The following ANKRD18B variants were observed in gnomAD, a reference collection of about 807,000 sequenced individuals.
ANKRD18B encodes ankyrin repeat domain-containing protein 18B.
ANKRD18B carries 75 observed loss-of-function variants against 111.8 expected under a neutral mutation model. That is an observed-to-expected ratio of 0.67 (90% CI 0.56 to 0.81). ANKRD18B has a LOEUF of 0.81. Among genes scored for constraint, ANKRD18B ranks in the 40% least tolerant of loss-of-function variants. The pLI, the probability that ANKRD18B is intolerant of heterozygous loss-of-function variation, is 0.00. For missense variants in ANKRD18B, 1,038 were observed against 1,225.5 expected (o/e 0.85, Z 2.28); for synonymous variants, 356 against 417.3 (o/e 0.85, Z 1.79).
At chr9:33,534,825 CTTTT>C (rs374951470) in intron 5 of ANKRD18B, among the ~76,000 whole-genome samples, 5 of 123,272 alleles carry the variant, frequency 4.1e-5, no homozygotes, top group African/African-American at 6.0e-5. Flanking sequence ...TTCTTTCTTC[CTTTT>C]TTTTTTTTTT....
chr9:33,560,903 T>C (rs1828596433), intron 14 of ANKRD18B, among the ~76,000 whole-genome samples: 1 of 152,192 alleles, frequency 6.6e-6, no homozygotes, highest in Non-Finnish European at 1.5e-5. Flanking sequence ...AGGCAGAGGT[T>C]GCAGTGAGCT....
chr9:33,562,682 A>C (rs1828624068), intron 14 of ANKRD18B, among the ~76,000 whole-genome samples: 1 of 152,212 alleles, frequency 6.6e-6, no homozygotes, highest in African/African-American at 2.4e-5. Flanking sequence ...GATGGTCTTA[A>C]CTTCTCCATG....
Position 33,534,396 on chromosome 9 carries a change from A to G in ANKRD18B, c.629A>G (p.His210Arg), listed in dbSNP as rs1474062292. Residue 210 changes from histidine to arginine, a missense_variant, in exon 5 of 19, where the codon CAT becomes CGT. Transcript: ENST00000684830. ...ACAGCCCTCATACTTGCAGTACAGCATAACTTGTCAAGTATCGTCACCCTC... is the reference window on the plus strand; with the variant it reads ...ACAGCCCTCATACTTGCAGTACAGCGTAACTTGTCAAGTATCGTCACCCTC... ...KRTALILAVQ[H>R]NLSSIVTLLL... 1.0e-5 allele frequency: 16 copies of G among 1,549,492 alleles called. No homozygotes were observed. Among genetic ancestry groups the G allele is most frequent in the East Asian group, 2.4e-5 (1 of 40,882 alleles).
intron 14 of ANKRD18B, among the ~76,000 whole-genome samples, chr9:33,559,552 A>G (rs138119516): frequency 0.019 from 2,909 of 152,284 alleles, 58 homozygotes; most frequent in Non-Finnish European, 0.026. Flanking sequence ...TTGGGGCAAA[A>G]GAATACAAGG....
intron 18 of ANKRD18B, 129 bp from the exon 19 acceptor site, chr9:33,572,187 T>C: frequency 2.9e-6 from 2 of 697,272 alleles, no homozygotes; most frequent in Middle Eastern, 3.9e-4. Flanking sequence ...AATCTTGTAT[T>C]GTAATTGCAC....
At chr9:33,562,741 A>T (rs1249345703) in intron 14 of ANKRD18B, among the ~76,000 whole-genome samples, 1 of 152,238 alleles carries the variant, frequency 6.6e-6, no homozygotes, top group Non-Finnish European at 1.5e-5. Flanking sequence ...TGATGTCTTA[A>T]CACTCAAAGT....
downstream of ANKRD18B, chr9:33,573,157 C>A: frequency 7.1e-7 from 1 of 1,400,964 alleles, no homozygotes. Context: ...GTTGTATTTT[C>A]TCTGCGGCAA....
intron 14 of ANKRD18B, among the ~76,000 whole-genome samples, chr9:33,560,302 A>G (rs1387812944): frequency 2.6e-5 from 4 of 152,232 alleles, no homozygotes; most frequent in Non-Finnish European, 4.4e-5. Context: ...ACAGGCACAC[A>G]TGAGCTGAAG....
chr9:33,568,893 G>T lies in ANKRD18B; in HGVS notation c.3177G>T (p.Glu1059Asp), dbSNP rs1238869854. Residue 1059 changes from glutamate (E) to aspartate (D), a missense_variant and splice_region_variant, in exon 17 of 19, where the codon GAG becomes GAT. Around this residue, in one of 4 missense-constraint regions of ANKRD18B, gnomAD observed 524 missense variants for 677.9 expected, o/e 0.77. Transcript: ENST00000684830. The part of the protein sequence containing the change: ...TSNNCKNSLT[E>D]MELDCAEQII... The stretch of plus-strand genomic sequence containing the variant: ...ATAACTGCAAGAACTCCTTGACTGA[G>T]GTTAGTTATATGACCATTTCTCTTT... 3 of 1,541,908 alleles carry T rather than the reference G, an allele frequency of 1.9e-6. No homozygotes were observed. Among genetic ancestry groups the T allele is most frequent in the South Asian group, 1.2e-5 (1 of 81,946 alleles).
intron 3 of ANKRD18B, among the ~76,000 whole-genome samples, chr9:33,532,278 A>T (rs545730496): frequency 2.8e-4 from 43 of 152,268 alleles, no homozygotes; most frequent in African/African-American, 9.6e-4. Flanking sequence ...GGCTCTTATT[A>T]TGCTAGAAAC....
At chr9:33,545,939 G>A (rs1828349076) in intron 10 of ANKRD18B, among the ~76,000 whole-genome samples, 1 of 152,170 alleles carries the variant, frequency 6.6e-6, no homozygotes, top group Admixed American at 6.5e-5. Flanking sequence ...CTAAATGGCG[G>A]TTCTGGAAAA....
chr9:33,527,940 T>C (rs1828050349), intron 1 of ANKRD18B, among the ~76,000 whole-genome samples: 1 of 152,372 alleles, frequency 6.6e-6, no homozygotes, highest in East Asian at 1.9e-4. Flanking sequence ...TAAATCATCC[T>C]GCAAAATAGC....
At chr9:33,548,942 A>G in intron 11 of ANKRD18B, 87 bp downstream of exon 11, 1 of 1,229,998 alleles carries the variant, frequency 8.1e-7, no homozygotes, top group Non-Finnish European at 1.1e-6. Flanking sequence ...CAATATAAAA[A>G]TAAATAGATG....
Position 33,568,771 on chromosome 9 carries a change from T to C in ANKRD18B, c.3055T>C (p.Leu1019=), listed in dbSNP as rs1185267455. 1 of 1,551,282 alleles carries C rather than the reference T, an allele frequency of 6.4e-7. No homozygotes were observed. The highest frequency in any genetic ancestry group is 1.4e-5 in the African/African-American group (1 of 73,014). Residue 1019 remains leucine, a synonymous_variant, in exon 17 of 19, where the codon TTA becomes CTA. Transcript: ENST00000684830. ...STLPMRPDPE[L]PCVENLNSIE... ...TCTTCCTATGAGGCCAGACCCAGAG[T>C]TACCTTGTGTTGAAAATCTTAATAG...
intron 1 of ANKRD18B, among the ~76,000 whole-genome samples, chr9:33,525,196 C>G (rs1284180766): frequency 6.6e-6 from 1 of 151,944 alleles, no homozygotes; most frequent in Non-Finnish European, 1.5e-5. Context: ...AAGGTTTTAT[C>G]ATTTTTGCAT....
chr9:33,554,851 T>C (rs1563905767), intron 12 of ANKRD18B, among the ~76,000 whole-genome samples: 1 of 152,196 alleles, frequency 6.6e-6, no homozygotes, highest in East Asian at 1.9e-4. Flanking sequence ...GGCTTACAGT[T>C]ACAGTGGTGT....
chr9:33,572,968 C>T lies in ANKRD18B; in HGVS notation c.*534C>T, dbSNP rs1005697161. 8 of 293,442 alleles carry T rather than the reference C, an allele frequency of 2.7e-5. No homozygotes were observed. Among genetic ancestry groups the T allele is most frequent in the African/African-American group, 1.3e-4 (6 of 44,984 alleles). 18.2% of individuals were successfully genotyped at this position (293,442 alleles called of 1,614,324 possible). A position where few individuals can be genotyped will look rare whatever the true frequency, so the allele number is the denominator to read the frequency against. ...TATTTTTCTTATTTTCTTCTTTGTTCTACATGGAGAAATAAAACCAATAAA... is the reference window on the plus strand; with the variant it reads ...TATTTTTCTTATTTTCTTCTTTGTTTTACATGGAGAAATAAAACCAATAAA... On this transcript the variant is annotated 3_prime_UTR_variant, in exon 19 of 19. Coordinates refer to ENST00000684830, the MANE Select transcript of ANKRD18B (RefSeq NM_001393611.1).
rs1191667686 is a variant in ANKRD18B at position 33,543,169 on chromosome 9, A to G, written c.1079-16A>G. The G allele has an allele frequency of 6.5e-7, 1 of 1,544,306 alleles. No individual in the cohort carries two copies. The highest frequency in any genetic ancestry group is 8.8e-7 in the Non-Finnish European group (1 of 1,142,218). On this transcript the variant is annotated splice_polypyrimidine_tract_variant and intron_variant, in intron 9 of 18. Coordinates refer to ENST00000684830, the MANE Select transcript of ANKRD18B (RefSeq NM_001393611.1). ...TAAGTCATTCATTTTAACTAAACATATGGATTTGTCAGCAGAACACAACTT... is the reference window on the plus strand; with the variant it reads ...TAAGTCATTCATTTTAACTAAACATGTGGATTTGTCAGCAGAACACAACTT...
chr9:33,568,544 C>T (rs1828720389), intron 16 of ANKRD18B, 127 bp from the exon 17 acceptor site: 5 of 743,658 alleles, frequency 6.7e-6, no homozygotes, highest in South Asian at 2.3e-5. Flanking sequence ...CACACATCTT[C>T]GTGTGAAAAC....
Sources: gnomAD v4.1 joint callset for allele counts (sites outside exome capture counted in the v4.1 genomes callset) on GRCh38, gnomAD v4.1.1 for gene constraint, gnomAD v4.1.1 regional missense constraint, MANE v1.5 for transcripts, NCBI Gene and HGNC (gene_info 2026-07-23, HGNC 2026-07-21) for gene names.